The following TMEM120B variants were observed in gnomAD, a reference collection of about 807,000 sequenced individuals.
TMEM120B encodes the protein transmembrane protein 120B.
TMEM120B carries 31 observed loss-of-function variants against 55.5 expected under a neutral mutation model. The observed-to-expected ratio is 0.56, with a 90% CI of 0.42 to 0.75. The LOEUF is 0.75. Ranked by LOEUF, TMEM120B falls within the 30% of genes least tolerant of loss-of-function variation. TMEM120B has a pLI of 0.00. For missense variants in TMEM120B, 399 were observed against 425.5 expected (o/e 0.94, Z 0.55); for synonymous variants, 203 against 176.3 (o/e 1.15, Z -1.20).
At chr12:121,720,410 A>G (rs771192813) in intron 1 of TMEM120B, among the ~76,000 whole-genome samples, 1 of 152,140 alleles carries the variant, frequency 6.6e-6, no homozygotes, top group Non-Finnish European at 1.5e-5. Context: ...TCTTAGAGCT[A>G]TATAAAAGTA....
chr12:121,771,833 C>T (rs768890671), intron 8 of TMEM120B, among the ~76,000 whole-genome samples: 1 of 152,122 alleles, frequency 6.6e-6, no homozygotes, highest in South Asian at 2.1e-4. Context: ...TTTTCCAGTC[C>T]TAAATAAGTC....
At chr12:121,719,151 T>C (rs1894751182) in intron 1 of TMEM120B, among the ~76,000 whole-genome samples, 2 of 152,012 alleles carry the variant, frequency 1.3e-5, no homozygotes, top group Admixed American at 6.6e-5. Flanking sequence ...TATCTGCTCC[T>C]GAAGCCTAAA....
chr12:121,770,834 T>C, intron 6 of TMEM120B, 73 bp from the exon 7 acceptor site: 2 of 1,390,048 alleles, frequency 1.4e-6, no homozygotes, highest in Non-Finnish European at 1.0e-6. Flanking sequence ...GCTGCATAGG[T>C]GGGGCCTCAG....
intron 8 of TMEM120B, among the ~76,000 whole-genome samples, chr12:121,771,787 C>T (rs1009616588): frequency 6.6e-6 from 1 of 152,124 alleles, no homozygotes; most frequent in Non-Finnish European, 1.5e-5. Context: ...CAACTGTGAC[C>T]TTTGGGAACT....
At chr12:121,749,598 A>G (rs1275944940) in intron 3 of TMEM120B, among the ~76,000 whole-genome samples, 1 of 151,970 alleles carries the variant, frequency 6.6e-6, no homozygotes, top group African/African-American at 2.4e-5. Context: ...GGACTACTTG[A>G]GCCTAGAGGT....
intron 8 of TMEM120B, 112 bp from the exon 9 acceptor site, chr12:121,773,308 CT>C: frequency 1.1e-6 from 1 of 911,160 alleles, no homozygotes; most frequent in African/African-American, 1.7e-5. Context: ...CCAGGGCACC[CT>C]TTCTGCTTCT....
Position 121,781,229 on chromosome 12 carries a change from C to A in TMEM120B, c.*5507C>A. 1.3e-6 allele frequency: 2 copies of A among 1,588,134 alleles called. No homozygotes were observed. The highest frequency in any genetic ancestry group is 1.3e-5 in the African/African-American group (1 of 74,534). ...GAGCAGCGGGGGTCAGGGGACGTCCCCTCCCTGTCTGGACTCTGACGGGTG... is the reference window on the plus strand; with the variant it reads ...GAGCAGCGGGGGTCAGGGGACGTCCACTCCCTGTCTGGACTCTGACGGGTG... On this transcript the variant is annotated 3_prime_UTR_variant, in exon 12 of 12. Transcript: ENST00000449592.
chr12:121,734,016 A>G (rs561432587), intron 1 of TMEM120B, among the ~76,000 whole-genome samples: 1 of 152,318 alleles, frequency 6.6e-6, no homozygotes, highest in East Asian at 1.9e-4. Context: ...GCCTGGAATT[A>G]AGTAGTTTCT....
At chr12:121,728,664 G>T (rs1198254235) in intron 1 of TMEM120B, among the ~76,000 whole-genome samples, 1 of 152,138 alleles carries the variant, frequency 6.6e-6, no homozygotes, top group African/African-American at 2.4e-5. Context: ...AACTGGGAAG[G>T]TAAAACAGAA....
At position 121,774,068 on chromosome 12, in the gene TMEM120B, G is replaced by A. The variant is rs551998056; in HGVS notation, c.772+555G>A. On this transcript the variant is annotated intron_variant, in intron 9 of 11. Coordinates refer to ENST00000449592, the MANE Select transcript of TMEM120B (RefSeq NM_001080825.2). ...CCTCCCGGGTTCAAGTGATTCTCCC[G>A]CCTCAGCCTCCTGAGTAGCTGGGAT... Among the ~76,000 whole-genome samples, 4 of 144,348 alleles carry A rather than the reference G, an allele frequency of 2.8e-5. No homozygotes were observed. The East Asian group carries it at 8.6e-4, about 31-fold the overall frequency. The allele number at this position is 144,348 out of a possible 152,430, so 94.7% of individuals were successfully genotyped here. A position where few individuals can be genotyped will look rare whatever the true frequency, so the allele number is the denominator to read the frequency against.
intron 1 of TMEM120B, among the ~76,000 whole-genome samples, chr12:121,716,101 G>C (rs886644030): frequency 6.6e-6 from 1 of 150,932 alleles, no homozygotes; most frequent in Non-Finnish European, 1.5e-5. Context: ...CCAGCAGTTT[G>C]AGACCAGCCT....
In TMEM120B at chr12:121,775,078, A is replaced by G. The variant is rs1305114898; in HGVS notation, c.854A>G (p.Asn285Ser). ...LFCGHFWQLY[N>S]AVTLFELSSH... ...CCTCTCCAGTTCTGGCAGCTCTACA[A>G]TGCCGTCACGCTGTTTGAGCTCTCC... The change falls in exon 11 of 12, where the codon AAT (asparagine) becomes AGT (serine). Residue 285 changes from asparagine to serine, a missense_variant. Physicochemically the swap from Asn to Ser is conservative, Grantham distance 46. Coordinates refer to ENST00000449592, the MANE Select transcript of TMEM120B (RefSeq NM_001080825.2). The surrounding 1 kb of genome is among the most constrained non-coding windows in gnomAD (Gnocchi z 4.3). 2 of 1,548,816 alleles carry G rather than the reference A, an allele frequency of 1.3e-6. No homozygotes were observed. The highest frequency in any genetic ancestry group is 1.8e-4 in the Middle Eastern group (1 of 5,482).
chr12:121,762,009 G>A (rs1873693896), intron 6 of TMEM120B, among the ~76,000 whole-genome samples: 1 of 152,040 alleles, frequency 6.6e-6, no homozygotes, highest in Admixed American at 6.6e-5. Context: ...AAAGAAGTGA[G>A]CGGCATGGCA....
chr12:121,746,986 G>A (rs1873106171), intron 2 of TMEM120B, among the ~76,000 whole-genome samples: 1 of 151,904 alleles, frequency 6.6e-6, no homozygotes, highest in African/African-American at 2.4e-5. Context: ...AAAGAAAAAT[G>A]AGAAGAAAAA....
intron 2 of TMEM120B, among the ~76,000 whole-genome samples, chr12:121,746,964 A>G (rs532406253): frequency 2.0e-5 from 3 of 152,108 alleles, no homozygotes; most frequent in Admixed American, 6.5e-5. Flanking sequence ...TCTCAAAAAA[A>G]AAAAGAAAAG....
intron 5 of TMEM120B, among the ~76,000 whole-genome samples, chr12:121,759,170 C>T (rs1306955185): frequency 6.7e-6 from 1 of 149,562 alleles, no homozygotes; most frequent in East Asian, 2.0e-4. Context: ...CCCTCGGCCT[C>T]CCAAAGTGCT....
intron 4 of TMEM120B, among the ~76,000 whole-genome samples, chr12:121,750,861 CCCCACA>C (rs1873274846): frequency 1.5e-5 from 2 of 129,398 alleles, no homozygotes; most frequent in Admixed American, 7.5e-5. Context: ...CATACCCACA[CCCCACA>C]CCCACACCAC....
chr12:121,738,887 C>T (rs1872834194), intron 1 of TMEM120B, among the ~76,000 whole-genome samples: 1 of 152,106 alleles, frequency 6.6e-6, no homozygotes, highest in East Asian at 1.9e-4. Context: ...GGACCGAACT[C>T]TTTAAAAACT....
At position 121,778,382 on chromosome 12, in the gene TMEM120B, T is replaced by G. The variant is rs1301790811; in HGVS notation, c.*2660T>G. The G allele has an allele frequency of 7.1e-6, 1 of 141,166 alleles. No individual in the cohort carries two copies. Among genetic ancestry groups the G allele is most frequent in the Non-Finnish European group, 1.5e-5 (1 of 66,714 alleles). 8.7% of individuals were successfully genotyped at this position (141,166 alleles called of 1,614,324 possible). A position where few individuals can be genotyped will look rare whatever the true frequency, so the allele number is the denominator to read the frequency against. ...AAGAGAATCGCTTGAACCCAGGAGG[T>G]GGAGCTTGCAGTGAGCCAAGATCAT... On this transcript the variant is annotated 3_prime_UTR_variant, in exon 12 of 12. Coordinates refer to ENST00000449592, the MANE Select transcript of TMEM120B (RefSeq NM_001080825.2).
Sources: allele counts gnomAD v4.1 joint callset (sites outside exome capture counted in the v4.1 genomes callset), GRCh38; gene constraint gnomAD v4.1.1; non-coding constraint Gnocchi (gnomAD v3.1); transcripts MANE v1.5; gene names NCBI Gene and HGNC (gene_info 2026-07-23, HGNC 2026-07-21).